Variants in MGAT5 observed in about 807,000 individuals in gnomAD.
The protein encoded by MGAT5 is alpha-1,6-mannosylglycoprotein 6-beta-N-acetylglucosaminyltransferase A.
A neutral mutation model predicts 94.3 loss-of-function variants in MGAT5; 30 were observed. The observed-to-expected ratio is 0.32, with a 90% CI of 0.24 to 0.43. MGAT5 has a LOEUF of 0.43. MGAT5 is among the 20% of genes least tolerant of loss of function. The pLI is 1.00. For missense variants in MGAT5, 691 were observed against 905.5 expected, an observed-to-expected ratio of 0.76 and a Z score of 3.04; for synonymous variants, 310 against 322.9, an observed-to-expected ratio of 0.96 and a Z score of 0.43.
chr2:134,354,672 T>G (rs980573859), intron 9 of MGAT5, among the ~76,000 whole-genome samples: 1 of 152,138 alleles, frequency 6.6e-6, no homozygotes, highest in Non-Finnish European at 1.5e-5. Flanking sequence ...CTCTTTGCAG[T>G]TAGGCATTTT....
chr2:134,208,417 C>G (rs1458845857), intron 1 of MGAT5, among the ~76,000 whole-genome samples: 1 of 152,168 alleles, frequency 6.6e-6, no homozygotes, highest in Non-Finnish European at 1.5e-5. Flanking sequence ...ACCATCCTGA[C>G]TGTTTAGGAA....
At chr2:134,361,691 C>G (rs1680107124) in intron 9 of MGAT5, among the ~76,000 whole-genome samples, 1 of 152,210 alleles carries the variant, frequency 6.6e-6, no homozygotes, top group South Asian at 2.1e-4. Context: ...ACCTTTTATT[C>G]TGTCTTCATT....
At chr2:134,197,495 G>T (rs566417775) in intron 1 of MGAT5, among the ~76,000 whole-genome samples, 1 of 152,320 alleles carries the variant, frequency 6.6e-6, no homozygotes, top group South Asian at 2.1e-4. Flanking sequence ...ATTAAAGAGA[G>T]ATTTCTTGAA....
intron 13 of MGAT5, among the ~76,000 whole-genome samples, chr2:134,425,569 G>T (rs1684534162): frequency 6.6e-6 from 1 of 152,150 alleles, no homozygotes; most frequent in African/African-American, 2.4e-5. Context: ...CCTATGGTTA[G>T]TATATGGAGG....
intron 9 of MGAT5, among the ~76,000 whole-genome samples, chr2:134,357,818 G>A (rs998263759): frequency 4.6e-5 from 7 of 150,652 alleles, no homozygotes; most frequent in Non-Finnish European, 2.9e-5. Context: ...TTATATTACA[G>A]TTTCCCTAGC....
intron 10 of MGAT5, among the ~76,000 whole-genome samples, chr2:134,393,063 T>G (rs896262335): frequency 1.8e-4 from 28 of 152,236 alleles, no homozygotes; most frequent in African/African-American, 6.8e-4. Flanking sequence ...CACATAATAA[T>G]TTAAAAATCT....
chr2:134,390,322 A>G (rs6735484), intron 10 of MGAT5, among the ~76,000 whole-genome samples: 148,206 of 152,300 alleles, frequency 0.97, 72,187 homozygotes, highest in East Asian at 1. Context: ...AACACCAAAA[A>G]CAAAATCCAA....
In MGAT5 at chr2:134,450,886, A is replaced by G. The variant is rs1204349107; in HGVS notation, c.*2039A>G. 2 of 152,018 alleles carry G rather than the reference A, an allele frequency of 1.3e-5. No individual in the cohort carries two copies. The highest frequency in any genetic ancestry group is 1.5e-5 in the Non-Finnish European group (1 of 68,180). The allele number at this position is 152,018 out of a possible 1,614,324, so 9.4% of individuals were successfully genotyped here. ...GCAGTTTCCTGCAGTAGGAGGGCAG[A>G]TGACTGGCATCCTTGCTGTAAGGAA... On this transcript the variant is annotated 3_prime_UTR_variant, in exon 16 of 16. Transcript: ENST00000281923.
chr2:134,409,864 C>T (rs1683547621), intron 11 of MGAT5, among the ~76,000 whole-genome samples: 2 of 152,144 alleles, frequency 1.3e-5, no homozygotes, highest in Admixed American at 1.3e-4. Context: ...ACGTATGGTG[C>T]CTCATCTGTT....
intron 10 of MGAT5, among the ~76,000 whole-genome samples, chr2:134,393,113 G>T (rs935659882): frequency 1.3e-5 from 2 of 152,196 alleles, no homozygotes; most frequent in East Asian, 3.8e-4. Flanking sequence ...TAATAGGGCA[G>T]GTTTAATATT....
chr2:134,183,895 GT>G (rs1355235394), intron 1 of MGAT5, among the ~76,000 whole-genome samples: 1 of 152,166 alleles, frequency 6.6e-6, no homozygotes, highest in African/African-American at 2.4e-5. Context: ...TTGCCATGCA[GT>G]TTCTGTTGGT....
At chr2:134,386,530 A>G (rs1681990376) in intron 10 of MGAT5, among the ~76,000 whole-genome samples, 1 of 152,210 alleles carries the variant, frequency 6.6e-6, no homozygotes, top group Non-Finnish European at 1.5e-5. Context: ...TTCAACTGTC[A>G]TCTTAGTAAT....
At chr2:134,167,117 A>ATG (rs1687998276) in intron 1 of MGAT5, among the ~76,000 whole-genome samples, 2 of 152,224 alleles carry the variant, frequency 1.3e-5, no homozygotes, top group Non-Finnish European at 2.9e-5. Flanking sequence ...AGGTTGATAA[A>ATG]GGACAAGCTT....
chr2:134,280,475 T>C (rs1684623548), intron 2 of MGAT5, among the ~76,000 whole-genome samples: 1 of 152,220 alleles, frequency 6.6e-6, no homozygotes, highest in Non-Finnish European at 1.5e-5. Flanking sequence ...TTGATTTGCA[T>C]TGTCAGAGTT....
intron 1 of MGAT5, among the ~76,000 whole-genome samples, chr2:134,129,855 C>T (rs1220049208): frequency 6.6e-6 from 1 of 152,202 alleles, no homozygotes; most frequent in Non-Finnish European, 1.5e-5. Flanking sequence ...TTGAGCAGCC[C>T]TTCAGCCCGC....
chr2:134,312,747 G>A (rs1431557186), intron 2 of MGAT5, among the ~76,000 whole-genome samples: 1 of 152,154 alleles, frequency 6.6e-6, no homozygotes, highest in African/African-American at 2.4e-5. Flanking sequence ...TTCAGCACGT[G>A]GCAGGCAGCA....
At chr2:134,170,498 CACAG>C (rs1280610992) in intron 1 of MGAT5, among the ~76,000 whole-genome samples, 2 of 152,186 alleles carry the variant, frequency 1.3e-5, no homozygotes, top group African/African-American at 4.8e-5. Context: ...GGCTTGTTGA[CACAG>C]ACAAAAATGC....
intron 10 of MGAT5, among the ~76,000 whole-genome samples, chr2:134,397,003 G>A (rs115888562): frequency 5.9e-5 from 9 of 152,360 alleles, no homozygotes; most frequent in African/African-American, 1.9e-4. Flanking sequence ...CAGACCAGGT[G>A]TGAGAGAGCA....
chr2:134,197,605 TGATCAGTAGTTCTTA>T (rs1679559954), intron 1 of MGAT5, among the ~76,000 whole-genome samples: 1 of 127,944 alleles, frequency 7.8e-6, no homozygotes, highest in Admixed American at 7.9e-5. Context: ...ATTTGCTTCT[TGATCAGTAGTTCTTA>T]GTCATGTTCC....
Sources: allele counts gnomAD v4.1 joint callset (sites outside exome capture counted in the v4.1 genomes callset), GRCh38; gene constraint gnomAD v4.1.1; transcripts MANE v1.5; gene names NCBI Gene and HGNC (gene_info 2026-07-23, HGNC 2026-07-21).